The following PKIB variants were observed in gnomAD, a reference collection of about 807,000 sequenced individuals.
PKIB encodes PKI-beta.
PKIB carries 2 observed loss-of-function variants against 4.5 expected under a neutral mutation model. The ratio of observed to expected loss-of-function variants is 0.44; its 90% CI spans 0.18 to 1.39. PKIB has a LOEUF of 1.39. Ranked by LOEUF, PKIB falls within the 40% of genes most tolerant of loss-of-function variation. The pLI is 0.27. For missense variants in PKIB, 94 were observed against 92.6 expected, an observed-to-expected ratio of 1.02 and a Z score of -0.06; for synonymous variants, 38 against 36.0, an observed-to-expected ratio of 1.06 and a Z score of -0.20.
At chr6:122,541,404 C>T (rs1406787988) in intron 2 of PKIB, among the ~76,000 whole-genome samples, 1 of 151,508 alleles carries the variant, frequency 6.6e-6, no homozygotes, top group Non-Finnish European at 1.5e-5. Context: ...TCAGCATTTG[C>T]TTGTCTGTAA....
At chr6:122,574,295 C>T (rs1395827932) in intron 2 of PKIB, among the ~76,000 whole-genome samples, 1 of 152,180 alleles carries the variant, frequency 6.6e-6, no homozygotes, top group African/African-American at 2.4e-5. Context: ...ATCTCCTGCT[C>T]ATGGATGGGA....
At chr6:122,571,416 T>C (rs1773363700) in intron 2 of PKIB, among the ~76,000 whole-genome samples, 2 of 152,150 alleles carry the variant, frequency 1.3e-5, no homozygotes, top group African/African-American at 2.4e-5. Flanking sequence ...GAAATTCCAT[T>C]GCAAAAAGAT....
At chr6:122,618,496 G>A (rs1263272284) in intron 1 of PKIB, among the ~76,000 whole-genome samples, 2 of 151,840 alleles carry the variant, frequency 1.3e-5, no homozygotes. Flanking sequence ...ACGTTGCAAT[G>A]AAAATCAGAA....
intron 2 of PKIB, among the ~76,000 whole-genome samples, chr6:122,558,829 G>T (rs577812726): frequency 6.6e-6 from 1 of 152,058 alleles, no homozygotes; most frequent in Non-Finnish European, 1.5e-5. Context: ...GGTGATTTGT[G>T]AGATTTTGGT....
At chr6:122,696,760 A>G (rs944122795) in intron 3 of PKIB, among the ~76,000 whole-genome samples, 2 of 152,356 alleles carry the variant, frequency 1.3e-5, no homozygotes, top group Admixed American at 6.5e-5. Flanking sequence ...TACCTGAGAC[A>G]ATAGCAGTGG....
intron 2 of PKIB, among the ~76,000 whole-genome samples, chr6:122,525,495 T>A (rs9372702): frequency 0.14 from 21,146 of 152,098 alleles, 1,582 homozygotes; most frequent in East Asian, 0.26. Flanking sequence ...TCCAATTGGT[T>A]TATACAGACA....
intron 3 of PKIB, among the ~76,000 whole-genome samples, chr6:122,601,255 G>A (rs1057435346): frequency 1.3e-5 from 2 of 151,244 alleles, no homozygotes; most frequent in Non-Finnish European, 2.9e-5. Flanking sequence ...AGAAATGAGC[G>A]AAATGTTTCC....
intron 2 of PKIB, among the ~76,000 whole-genome samples, chr6:122,520,563 T>C (rs576780920): frequency 1.3e-5 from 2 of 152,308 alleles, no homozygotes; most frequent in South Asian, 2.1e-4. Flanking sequence ...CTCATCTGGC[T>C]TATACTCCTG....
intron 2 of PKIB, among the ~76,000 whole-genome samples, chr6:122,503,396 A>G (rs1776303481): frequency 6.6e-6 from 1 of 152,190 alleles, no homozygotes; most frequent in Non-Finnish European, 1.5e-5. Flanking sequence ...GTTGTTATTC[A>G]ATGTTAAAAA....
chr6:122,607,920 T>C (rs1450303265), upstream of PKIB, among the ~76,000 whole-genome samples: 1 of 152,228 alleles, frequency 6.6e-6, no homozygotes, highest in African/African-American at 2.4e-5. Context: ...ATCCTCTCAG[T>C]TCTGGATCAG....
At chr6:122,547,958 C>T (rs1772556056) in intron 2 of PKIB, among the ~76,000 whole-genome samples, 2 of 151,928 alleles carry the variant, frequency 1.3e-5, no homozygotes, top group African/African-American at 4.8e-5. Context: ...ATCCATATAC[C>T]TTACACTCCA....
chr6:122,600,984 GA>G (rs1554223178), intron 3 of PKIB, among the ~76,000 whole-genome samples: 1 of 151,104 alleles, frequency 6.6e-6, no homozygotes, highest in Non-Finnish European at 1.5e-5. Flanking sequence ...GGAAGATATG[GA>G]AAAAAACCAG....
At chr6:122,671,938 C>T (rs1003857181) in intron 2 of PKIB, among the ~76,000 whole-genome samples, 1 of 151,918 alleles carries the variant, frequency 6.6e-6, no homozygotes, top group Non-Finnish European at 1.5e-5. Flanking sequence ...TTTACCAAAC[C>T]CTAGTACCAA....
intron 2 of PKIB, among the ~76,000 whole-genome samples, chr6:122,674,744 C>T (rs1232761739): frequency 6.6e-6 from 1 of 152,080 alleles, no homozygotes; most frequent in Non-Finnish European, 1.5e-5. Flanking sequence ...TTTTATGTGG[C>T]TACAAATATT....
At position 122,725,202 on chromosome 6, in the gene PKIB, A is replaced by C. The variant is rs149801534; in HGVS notation, c.*7A>C. 47 of 1,605,776 alleles carry C rather than the reference A, an allele frequency of 2.9e-5. No homozygotes were observed. Among genetic ancestry groups the C allele is most frequent in the Admixed American group, 8.5e-5 (5 of 59,106 alleles). ...TCAAAATGAAGAAAAATGAAGGCTC[A>C]TAATCTATCAAGAGTGCTGAATTTC... On this transcript the variant is annotated 3_prime_UTR_variant, in exon 5 of 5. Transcript: ENST00000368452.
intron 2 of PKIB, among the ~76,000 whole-genome samples, chr6:122,575,169 C>G (rs12526731): frequency 2.2e-4 from 33 of 152,128 alleles, no homozygotes; most frequent in Admixed American, 2.0e-3. Flanking sequence ...TGCTAATCAT[C>G]AGGGAAATGT....
chr6:122,659,143 G>A (rs1282326721), intron 2 of PKIB, among the ~76,000 whole-genome samples: 1 of 151,970 alleles, frequency 6.6e-6, no homozygotes, highest in Non-Finnish European at 1.5e-5. Flanking sequence ...AAAATAATTT[G>A]TTTCCTGACA....
intron 2 of PKIB, among the ~76,000 whole-genome samples, chr6:122,533,288 G>T (rs1269275423): frequency 6.6e-6 from 1 of 151,874 alleles, no homozygotes; most frequent in African/African-American, 2.4e-5. Flanking sequence ...TTCCACCTCA[G>T]CCTCCCAATT....
intron 2 of PKIB, among the ~76,000 whole-genome samples, chr6:122,563,016 T>A (rs2114676662): frequency 6.6e-6 from 1 of 152,300 alleles, no homozygotes; most frequent in East Asian, 1.9e-4. Context: ...CTACTGTGAT[T>A]TTTCACGGGT....
Sources: allele counts gnomAD v4.1 joint callset (sites outside exome capture counted in the v4.1 genomes callset), GRCh38; gene constraint gnomAD v4.1.1; transcripts MANE v1.5; gene names NCBI Gene and HGNC (gene_info 2026-07-23, HGNC 2026-07-21).